Variants in SAMD4A observed in about 807,000 individuals in gnomAD.
SAMD4A encodes the protein protein Smaug homolog 1.
Under a neutral mutation model 81.3 loss-of-function variants are expected in SAMD4A, and 33 were observed. That is an observed-to-expected ratio of 0.41 (90% confidence interval 0.31 to 0.54). The LOEUF is 0.54. Among genes scored for constraint, SAMD4A ranks in the 20% least tolerant of loss-of-function variants. SAMD4A has a pLI of 0.37. For synonymous variants in SAMD4A, 389 were observed against 382.1 expected (o/e 1.02, Z -0.21); for missense variants, 854 against 951.1 (o/e 0.90, Z 1.34).
At chr14:54,741,612 G>A (rs1379826586) in intron 4 of SAMD4A, among the ~76,000 whole-genome samples, 1 of 152,162 alleles carries the variant, frequency 6.6e-6, no homozygotes, top group African/African-American at 2.4e-5. Context: ...CAAAAAACAG[G>A]CACTTAATGC....
chr14:54,582,264 T>C (rs907819658), intron 2 of SAMD4A, among the ~76,000 whole-genome samples: 20 of 152,102 alleles, frequency 1.3e-4, no homozygotes, highest in African/African-American at 4.8e-4. Flanking sequence ...TTTAATTTTA[T>C]TTTTTATTTT....
chr14:54,631,243 G>A (rs2034898302), intron 2 of SAMD4A, among the ~76,000 whole-genome samples: 1 of 152,086 alleles, frequency 6.6e-6, no homozygotes, highest in African/African-American at 2.4e-5. Context: ...ATTATGGATG[G>A]CACCCTGCTT....
At chr14:54,725,095 C>G (rs908591232) in intron 3 of SAMD4A, among the ~76,000 whole-genome samples, 5 of 152,224 alleles carry the variant, frequency 3.3e-5, no homozygotes, top group African/African-American at 1.2e-4. Context: ...ATGAATTCAT[C>G]TGCTCCAACC....
At chr14:54,658,601 C>G (rs1432104647) in intron 2 of SAMD4A, among the ~76,000 whole-genome samples, 1 of 152,206 alleles carries the variant, frequency 6.6e-6, no homozygotes, top group Non-Finnish European at 1.5e-5. Context: ...TCATCACAGT[C>G]AACTTGTGCA....
intron 5 of SAMD4A, among the ~76,000 whole-genome samples, chr14:54,750,269 A>AC (rs1251709150): frequency 6.6e-6 from 1 of 152,026 alleles, no homozygotes; most frequent in African/African-American, 2.4e-5. Flanking sequence ...ACAGAAATAT[A>AC]CCCCCAGTGT....
chr14:54,588,712 G>A (rs1169029999), intron 2 of SAMD4A, among the ~76,000 whole-genome samples: 2 of 152,000 alleles, frequency 1.3e-5, no homozygotes, highest in East Asian at 3.8e-4. Flanking sequence ...TATATTTATG[G>A]TCTAGTAGTT....
At chr14:54,774,055 C>T (rs144446547) in intron 9 of SAMD4A, among the ~76,000 whole-genome samples, 2 of 152,352 alleles carry the variant, frequency 1.3e-5, no homozygotes, top group East Asian at 3.9e-4. Context: ...TGCTATGTGG[C>T]CTCTCAAAAG....
chr14:54,689,405 AC>A (rs2036371822), intron 2 of SAMD4A, among the ~76,000 whole-genome samples: 1 of 152,086 alleles, frequency 6.6e-6, no homozygotes, highest in Non-Finnish European at 1.5e-5. Context: ...CATAGTACTC[AC>A]CATGGGCCAG....
At chr14:54,685,274 G>GC (rs11323277) in intron 2 of SAMD4A, among the ~76,000 whole-genome samples, 16,267 of 137,840 alleles carry the variant, frequency 0.12, 1,264 homozygotes, top group East Asian at 0.23. Flanking sequence ...CATTCTTCCT[G>GC]CCCCCCCCCC....
Position 54,664,374 on chromosome 14 carries a change from C to T in SAMD4A, c.197-37688C>T, listed in dbSNP as rs915050303. ...GGATGTCTTTTGTAGGGGCGGCAGC[C>T]GGCTGCGTTGTATAAAGTATACCTG... is the stretch of plus-strand genomic sequence containing the variant. On this transcript the variant is annotated intron_variant, in intron 2 of 12. Coordinates refer to ENST00000554335, the MANE Select transcript of SAMD4A (RefSeq NM_015589.6). Among the ~76,000 whole-genome samples the T allele has an allele frequency of 5.3e-5, 8 of 152,202 alleles. No individual in the cohort carries two copies. The South Asian group carries it at 6.2e-4, about 12-fold the overall frequency.
intron 2 of SAMD4A, among the ~76,000 whole-genome samples, chr14:54,659,096 C>G (rs1476389740): frequency 6.6e-6 from 1 of 152,242 alleles, no homozygotes; most frequent in African/African-American, 2.4e-5. Flanking sequence ...GAATCCAGTA[C>G]TATATCCTGT....
chr14:54,792,440 C>T lies in SAMD4A; in HGVS notation c.*3496C>T, dbSNP rs1253920967. 1 of 152,152 alleles carries T rather than the reference C, an allele frequency of 6.6e-6. No individual in the cohort carries two copies. Among genetic ancestry groups the T allele is most frequent in the Non-Finnish European group, 1.5e-5 (1 of 68,064 alleles). 9.4% of individuals were successfully genotyped at this position (152,152 alleles called of 1,614,324 possible). A position where few individuals can be genotyped will look rare whatever the true frequency, so the allele number is the denominator to read the frequency against. On this transcript the variant is annotated 3_prime_UTR_variant, in exon 13 of 13. Transcript: ENST00000554335. ...TGTTCTTCTGCACCTCTTGTAGCTA[C>T]TGCCGGTGCAAGGTTGTAGATGTTA...
intron 5 of SAMD4A, 72 bp downstream of exon 5, chr14:54,748,996 C>A: frequency 9.5e-7 from 1 of 1,057,578 alleles, no homozygotes; most frequent in Non-Finnish European, 1.4e-6. Flanking sequence ...CCTGGACAAC[C>A]TTGTTTGGAC....
chr14:54,784,284 A>T, intron 11 of SAMD4A: 1 of 1,375,000 alleles, frequency 7.3e-7, no homozygotes, highest in Non-Finnish European at 1.0e-6. Context: ...GGTTCTGAGC[A>T]GAGGAGGCAC....
chr14:54,726,023 C>T (rs2037406667), intron 3 of SAMD4A, among the ~76,000 whole-genome samples: 1 of 152,016 alleles, frequency 6.6e-6, no homozygotes, highest in Non-Finnish European at 1.5e-5. Context: ...TGGGGTGAAG[C>T]CCAAGAGTCA....
At chr14:54,580,494 C>G (rs947208343) in intron 2 of SAMD4A, among the ~76,000 whole-genome samples, 4 of 152,224 alleles carry the variant, frequency 2.6e-5, no homozygotes, top group African/African-American at 7.2e-5. Flanking sequence ...CAGAATCTGA[C>G]TTGGCTACTC....
intron 2 of SAMD4A, chr14:54,652,693 C>T (rs1198750286): frequency 6.6e-6 from 1 of 151,456 alleles, no homozygotes; most frequent in Non-Finnish European, 1.5e-5. Flanking sequence ...TTTTTCCTTT[C>T]GTATCTGCGT....
chr14:54,775,301 GCAGA>G (rs1566633745), intron 10 of SAMD4A, among the ~76,000 whole-genome samples, 166 bp downstream of exon 10: 1 of 152,210 alleles, frequency 6.6e-6, no homozygotes, highest in Non-Finnish European at 1.5e-5. Context: ...TTGTTCTCTA[GCAGA>G]CAGAGCAACC....
intron 8 of SAMD4A, among the ~76,000 whole-genome samples, chr14:54,768,704 G>T (rs1369069448): frequency 6.6e-6 from 1 of 152,216 alleles, no homozygotes; most frequent in East Asian, 1.9e-4. Flanking sequence ...CAATGAGAGG[G>T]ACTGTGGAGG....
Sources: gnomAD v4.1 joint callset for allele counts (sites outside exome capture counted in the v4.1 genomes callset) on GRCh38, gnomAD v4.1.1 for gene constraint, MANE v1.5 for transcripts, NCBI Gene and HGNC (gene_info 2026-07-23, HGNC 2026-07-21) for gene names.